Variants in NOVA1 observed in about 807,000 individuals in gnomAD.
NOVA1 encodes the protein RNA-binding protein Nova-1.
In NOVA1, 7 loss-of-function variants were observed where a neutral mutation model predicts 38.0. That is an observed-to-expected ratio of 0.18 (90% CI 0.10 to 0.35). The LOEUF is 0.35. Ranked by LOEUF, NOVA1 falls within the 10% of genes least tolerant of loss-of-function variation. The pLI is 1.00. For missense variants in NOVA1, 460 were observed against 616.0 expected (o/e 0.75, Z 2.68); for synonymous variants, 270 against 232.5 (o/e 1.16, Z -1.47).
chr14:26,517,167 A>G (rs1402947568), intron 2 of NOVA1, among the ~76,000 whole-genome samples: 1 of 152,030 alleles, frequency 6.6e-6, no homozygotes, highest in African/African-American at 2.4e-5. Context: ...GGCCTCCCAA[A>G]ATGCTGGGAT....
chr14:26,572,458 C>T (rs993998571), intron 2 of NOVA1, among the ~76,000 whole-genome samples: 1 of 152,068 alleles, frequency 6.6e-6, no homozygotes, highest in African/African-American at 2.4e-5. Context: ...TTCATATACG[C>T]AGTACATACA....
chr14:26,461,038 ATGT>A (rs1479895166), intron 4 of NOVA1, among the ~76,000 whole-genome samples: 4 of 152,210 alleles, frequency 2.6e-5, no homozygotes, highest in Non-Finnish European at 5.9e-5. Flanking sequence ...TCTTGAGAAC[ATGT>A]TGTGTGCAAG....
At chr14:26,571,593 C>T (rs1892477844) in intron 2 of NOVA1, among the ~76,000 whole-genome samples, 1 of 152,090 alleles carries the variant, frequency 6.6e-6, no homozygotes, top group Admixed American at 6.6e-5. Flanking sequence ...AACTGTCTAC[C>T]CACGTGGCTA....
rs1335755230 is a variant in NOVA1 at position 26,445,248 on chromosome 14, T to C, written c.*2711A>G. On this transcript the variant is annotated 3_prime_UTR_variant, in exon 5 of 5. Transcript: ENST00000539517. ...ACAGCCATTGTTACATGCCTACCTG[T>C]GGCAGTTTGAAGCCATACTAATTTT... 1 of 152,224 alleles carries C rather than the reference T, an allele frequency of 6.6e-6. No individual in the cohort carries two copies. Among genetic ancestry groups the C allele is most frequent in the South Asian group, 2.1e-4 (1 of 4,830 alleles). The allele number at this position is 152,224 out of a possible 1,614,324, so 9.4% of individuals were successfully genotyped here.
At chr14:26,541,284 A>G (rs1369090598) in intron 2 of NOVA1, among the ~76,000 whole-genome samples, 1 of 152,028 alleles carries the variant, frequency 6.6e-6, no homozygotes, top group African/African-American at 2.4e-5. Context: ...TCCCTGTAAC[A>G]TGAGTAAGGT....
At position 26,509,485 on chromosome 14, in the gene NOVA1, T is replaced by C. The variant is rs1273710639; in HGVS notation, c.281-29342A>G. ...GGAAGATTAAAAGTTACCTCCAAAG[T>C]TCTCAAGCTTCATGATTAGATCATT... On this transcript the variant is annotated intron_variant, in intron 2 of 4. Transcript: ENST00000539517. Among the ~76,000 whole-genome samples the C allele has an allele frequency of 5.9e-5, 9 of 152,144 alleles. No individual in the cohort carries two copies. The East Asian group carries it at 1.7e-3, about 29-fold the overall frequency.
At chr14:26,565,175 C>T (rs1422525961) in intron 2 of NOVA1, among the ~76,000 whole-genome samples, 1 of 152,158 alleles carries the variant, frequency 6.6e-6, no homozygotes, top group East Asian at 1.9e-4. Context: ...AGCTGCTTGA[C>T]TTCACTTCCT....
intron 2 of NOVA1, among the ~76,000 whole-genome samples, chr14:26,537,444 T>C: frequency 6.6e-6 from 1 of 152,116 alleles, no homozygotes; most frequent in East Asian, 1.9e-4. Context: ...AGATCTCAAA[T>C]GGAAAGTTTT....
chr14:26,570,166 G>A (rs1204630087), intron 2 of NOVA1, among the ~76,000 whole-genome samples: 2 of 152,054 alleles, frequency 1.3e-5, no homozygotes, highest in African/African-American at 4.8e-5. Flanking sequence ...GGCCAACATG[G>A]TGAAACCCTG....
At chr14:26,582,848 C>G (rs1452712539) in intron 2 of NOVA1, among the ~76,000 whole-genome samples, 1 of 151,694 alleles carries the variant, frequency 6.6e-6, no homozygotes, top group Non-Finnish European at 1.5e-5. Flanking sequence ...ATAAAAGTAG[C>G]AGCCTTCCAC....
chr14:26,460,281 A>C (rs1229410904), intron 4 of NOVA1, among the ~76,000 whole-genome samples: 1 of 150,830 alleles, frequency 6.6e-6, no homozygotes, highest in Non-Finnish European at 1.5e-5. Context: ...GTATTTCATT[A>C]ATACTTGACA....
intron 2 of NOVA1, among the ~76,000 whole-genome samples, chr14:26,562,191 T>C (rs1891872261): frequency 6.6e-6 from 1 of 152,168 alleles, no homozygotes; most frequent in South Asian, 2.1e-4. Context: ...TCCATATTAA[T>C]AAACTAAAAG....
At chr14:26,546,732 T>G (rs117514262) in intron 2 of NOVA1, among the ~76,000 whole-genome samples, 4,979 of 152,232 alleles carry the variant, frequency 0.033, 132 homozygotes, top group Non-Finnish European at 0.048. Context: ...AAAATTCATA[T>G]AACTTGGCCG....
intron 4 of NOVA1, among the ~76,000 whole-genome samples, chr14:26,449,445 T>C (rs1337964905): frequency 6.6e-6 from 1 of 152,102 alleles, no homozygotes; most frequent in Non-Finnish European, 1.5e-5. Context: ...CCTGAGTCCC[T>C]TCAAAACATT....
At chr14:26,492,746 C>A (rs1218461274) in intron 2 of NOVA1, among the ~76,000 whole-genome samples, 1 of 151,962 alleles carries the variant, frequency 6.6e-6, no homozygotes, top group Non-Finnish European at 1.5e-5. Context: ...GTAGGCGGAT[C>A]ACTTGAAGTC....
At chr14:26,559,710 T>C (rs1433174835) in intron 2 of NOVA1, among the ~76,000 whole-genome samples, 3 of 152,000 alleles carry the variant, frequency 2.0e-5, no homozygotes, top group Non-Finnish European at 2.9e-5. Flanking sequence ...AGACAGAGAG[T>C]AGACTGCTGG....
At chr14:26,574,279 CCG>C (rs1409551945) in intron 2 of NOVA1, among the ~76,000 whole-genome samples, 162 of 96,690 alleles carry the variant, frequency 1.7e-3, no homozygotes, top group East Asian at 5.3e-3. Flanking sequence ...CCCCCCCCCC[CCG>C]CCCCCTCGGC....
At chr14:26,492,212 TTTTG>T (rs1459561135) in intron 2 of NOVA1, among the ~76,000 whole-genome samples, 1 of 152,224 alleles carries the variant, frequency 6.6e-6, no homozygotes, top group Non-Finnish European at 1.5e-5. Flanking sequence ...AGGAACTGAT[TTTTG>T]TTTGTTCTAA....
At chr14:26,549,819 C>CA (rs1891056656) in intron 2 of NOVA1, 1 of 1,126,016 alleles carries the variant, frequency 8.9e-7, no homozygotes, top group South Asian at 1.3e-5. Flanking sequence ...TGCTGCGTTC[C>CA]ACCTCAGAAG....
Sources: allele counts gnomAD v4.1 joint callset (sites outside exome capture counted in the v4.1 genomes callset), GRCh38; gene constraint gnomAD v4.1.1; transcripts MANE v1.5; gene names NCBI Gene and HGNC (gene_info 2026-07-23, HGNC 2026-07-21).